Variants in RELCH observed in about 807,000 individuals in gnomAD.
The protein encoded by RELCH is RAB11-binding protein RELCH.
RELCH carries 41 observed loss-of-function variants against 150.3 expected under a neutral mutation model. The ratio of observed to expected loss-of-function variants is 0.27; its 90% CI spans 0.21 to 0.35. RELCH has a LOEUF of 0.35. RELCH is among the 10% of genes least tolerant of loss of function. RELCH has a pLI of 1.00. For synonymous variants in RELCH, 478 were observed against 531.8 expected (o/e 0.90, Z 1.39); for missense variants, 1,092 against 1,467.8 (o/e 0.74, Z 4.18).
intron 28 of RELCH, among the ~76,000 whole-genome samples, chr18:62,302,725 A>T (rs954963142): frequency 6.6e-6 from 1 of 152,042 alleles, no homozygotes; most frequent in Non-Finnish European, 1.5e-5. Flanking sequence ...GGGTTTCACC[A>T]TGTCGGCCAG....
intron 9 of RELCH, 42 bp downstream of exon 9, chr18:62,231,311 C>A (rs754633095): frequency 8.1e-7 from 1 of 1,237,038 alleles, no homozygotes; most frequent in Non-Finnish European, 1.2e-6. Flanking sequence ...TAAAAACATT[C>A]TACTGTTTTT....
At chr18:62,252,259 A>T in intron 11 of RELCH, among the ~76,000 whole-genome samples, 1 of 151,056 alleles carries the variant, frequency 6.6e-6, no homozygotes, top group Non-Finnish European at 1.5e-5. Flanking sequence ...TCAGCCTCCC[A>T]AAGTGCTGGG....
chr18:62,237,108 T>A (rs1421907631), intron 10 of RELCH, among the ~76,000 whole-genome samples: 1 of 151,860 alleles, frequency 6.6e-6, no homozygotes, highest in African/African-American at 2.4e-5. Flanking sequence ...TCCATTTTTC[T>A]TGTGTTACTG....
chr18:62,191,358 G>C lies in RELCH; in HGVS notation c.526+3327G>C, dbSNP rs75757443. Among the ~76,000 whole-genome samples, 192 of 152,124 alleles carry C rather than the reference G, an allele frequency of 1.3e-3. 4 individuals carry two copies. In the East Asian group the frequency reaches 0.035, roughly 28 times the overall value. On this transcript the variant is annotated intron_variant, in intron 1 of 28. Transcript: ENST00000644646. ...TTTCCCTGATGACTAATGATTCTGA[G>C]GTCCTTTTCCTGTGCCTTTTGCTTA...
chr18:62,218,962 T>C (rs2040659177), intron 2 of RELCH, among the ~76,000 whole-genome samples: 1 of 151,976 alleles, frequency 6.6e-6, no homozygotes. Context: ...TTAACCTTTC[T>C]TTTGAAACTT....
intron 24 of RELCH, 24 bp from the exon 25 acceptor site, chr18:62,282,282 G>T (rs1243279480): frequency 2.5e-6 from 4 of 1,600,232 alleles, no homozygotes; most frequent in East Asian, 2.2e-5. Context: ...TCTATGAAAT[G>T]ACTGTACAAT....
Position 62,228,420 on chromosome 18 carries a change from G to T in RELCH, c.1270G>T (p.Asp424Tyr). Residue 424 changes from aspartate to tyrosine, a missense_variant, in exon 8 of 29, where the codon GAT (aspartate) becomes TAT (tyrosine). Coordinates refer to ENST00000644646, the MANE Select transcript of RELCH (RefSeq NM_001346231.2). ...KDSEDSGQHP[D>Y]VNSSDKGKNT... is the part of the protein sequence containing the mutation. ...CTCTGAGGACAGTGGACAGCATCCAGATGTAAATAGTTCAGACAAGGGAAA... is the reference window on the plus strand; with the variant it reads ...CTCTGAGGACAGTGGACAGCATCCATATGTAAATAGTTCAGACAAGGGAAA... 6.2e-7 allele frequency: 1 copy of T among 1,613,346 alleles called. No individual in the cohort carries two copies. Among genetic ancestry groups the T allele is most frequent in the Non-Finnish European group, 8.5e-7 (1 of 1,179,598 alleles).
chr18:62,208,538 A>C (rs2039959066), intron 1 of RELCH, among the ~76,000 whole-genome samples: 1 of 151,902 alleles, frequency 6.6e-6, no homozygotes, highest in Admixed American at 6.6e-5. Flanking sequence ...TCGGGGGTGC[A>C]TGTGCAGGTT....
chr18:62,208,192 C>G (rs2039933073), intron 1 of RELCH, among the ~76,000 whole-genome samples: 1 of 152,018 alleles, frequency 6.6e-6, no homozygotes, highest in South Asian at 2.1e-4. Context: ...TCCATATCTT[C>G]TTTGGAGAAC....
At chr18:62,293,415 T>A (rs1338588437) in intron 27 of RELCH, among the ~76,000 whole-genome samples, 1 of 152,152 alleles carries the variant, frequency 6.6e-6, no homozygotes, top group Non-Finnish European at 1.5e-5. Context: ...CAAGCAGTAT[T>A]TGAGGCAGAT....
chr18:62,280,959 G>A (rs1407119735), intron 24 of RELCH, among the ~76,000 whole-genome samples: 3 of 152,128 alleles, frequency 2.0e-5, no homozygotes, highest in African/African-American at 4.8e-5. Flanking sequence ...GATGTCCAAG[G>A]GAGAGAATAT....
chr18:62,235,498 G>A (rs1241379652), intron 10 of RELCH: 1 of 152,020 alleles, frequency 6.6e-6, no homozygotes, highest in Non-Finnish European at 1.5e-5. Context: ...ACAGGTCATT[G>A]AAATTTTTAT....
At position 62,278,380 on chromosome 18, in the gene RELCH, T is replaced by C. The variant is rs145026256; in HGVS notation, c.2968-1394T>C. 3.7e-3 allele frequency among the ~76,000 whole-genome samples: 567 copies of C among 152,302 alleles called. 4 individuals are homozygous for C. Among genetic ancestry groups the C allele is most frequent in the African/African-American group, 0.013 (546 of 41,592 alleles). ...TAAGATATTAAAAGTTCTTTGTCATTTTATTCCTGGTTAATTATCTGTTTT... is the reference window on the plus strand; with the variant it reads ...TAAGATATTAAAAGTTCTTTGTCATCTTATTCCTGGTTAATTATCTGTTTT... On this transcript the variant is annotated intron_variant, in intron 22 of 28. Coordinates refer to ENST00000644646, the MANE Select transcript of RELCH (RefSeq NM_001346231.2).
At chr18:62,296,455 G>T (rs1298985826) in intron 27 of RELCH, among the ~76,000 whole-genome samples, 1 of 152,092 alleles carries the variant, frequency 6.6e-6, no homozygotes, top group African/African-American at 2.4e-5. Context: ...GTGTGGTGGT[G>T]CATGCTTGTA....
intron 24 of RELCH, among the ~76,000 whole-genome samples, chr18:62,282,101 TTG>T (rs1164826975): frequency 1.3e-5 from 2 of 152,200 alleles, no homozygotes; most frequent in African/African-American, 4.8e-5. Flanking sequence ...AATTAAGAAT[TTG>T]TAAGCATAAG....
intron 2 of RELCH, among the ~76,000 whole-genome samples, chr18:62,220,206 C>T (rs1177845553): frequency 6.6e-6 from 1 of 152,020 alleles, no homozygotes; most frequent in African/African-American, 2.4e-5. Context: ...TTATCAGAAA[C>T]TTTGAAATTC....
At chr18:62,272,231 C>T (rs2144823556) in intron 20 of RELCH, among the ~76,000 whole-genome samples, 1 of 152,244 alleles carries the variant, frequency 6.6e-6, no homozygotes, top group South Asian at 2.1e-4. Flanking sequence ...TAAGTCCTAA[C>T]AGTGCTAGAC....
At chr18:62,298,267 C>T (rs1336256674) in intron 27 of RELCH, among the ~76,000 whole-genome samples, 4 of 152,180 alleles carry the variant, frequency 2.6e-5, no homozygotes, top group African/African-American at 9.7e-5. Flanking sequence ...CTATCACTCA[C>T]TCAGTCTCCC....
At chr18:62,198,523 G>A (rs1206824305) in intron 1 of RELCH, among the ~76,000 whole-genome samples, 3 of 152,166 alleles carry the variant, frequency 2.0e-5, no homozygotes, top group African/African-American at 7.2e-5. Context: ...GGGTGGATAA[G>A]ATTGCTCAAG....
Sources: allele counts gnomAD v4.1 joint callset (sites outside exome capture counted in the v4.1 genomes callset), GRCh38; gene constraint gnomAD v4.1.1; transcripts MANE v1.5; gene names NCBI Gene and HGNC (gene_info 2026-07-23, HGNC 2026-07-21).